Variants in SOX6 observed in about 807,000 individuals in gnomAD.
The protein encoded by SOX6 is transcription factor SOX-6.
Under a neutral mutation model 97.8 loss-of-function variants are expected in SOX6, and 11 were observed. The ratio of observed to expected loss-of-function variants is 0.11; its 90% CI spans 0.07 to 0.19. SOX6 has a LOEUF of 0.19. Among genes scored for constraint, SOX6 ranks in the 10% least tolerant of loss-of-function variants. The pLI, the probability that SOX6 is intolerant of heterozygous loss-of-function variation, is 1.00. For synonymous variants in SOX6, 360 were observed against 371.4 expected (o/e 0.97, Z 0.35); for missense variants, 810 against 1,039.5 (o/e 0.78, Z 3.04).
chr11:16,396,378 T>A lies in SOX6; in HGVS notation c.-4-55126A>T, dbSNP rs191542454. Among the ~76,000 whole-genome samples the A allele has an allele frequency of 2.8e-4, 42 of 151,802 alleles. 2 individuals carry two copies. The East Asian group carries it at 7.9e-3, about 29-fold the overall frequency. ...AGTGCTCTGGCATTTTGAATGCATG[T>A]ATACTGTGTATTTTCACAAATACAC... is the stretch of plus-strand genomic sequence containing the variant. On this transcript the variant is annotated intron_variant, in intron 1 of 15. Coordinates refer to the SOX6 transcript ENST00000396356.
chr11:16,014,840 G>C (rs1854833582), intron 13 of SOX6, 102 bp downstream of exon 13: 1 of 1,062,718 alleles, frequency 9.4e-7, no homozygotes, highest in Admixed American at 1.9e-5. Flanking sequence ...AAGAAATCTA[G>C]TGATGACTCC....
chr11:16,389,092 T>A (rs1182103356), intron 1 of SOX6, among the ~76,000 whole-genome samples: 1 of 152,186 alleles, frequency 6.6e-6, no homozygotes, highest in African/African-American at 2.4e-5. Context: ...TTTTTGTTTT[T>A]GTTTTTAAGA....
intron 4 of SOX6, among the ~76,000 whole-genome samples, chr11:16,581,059 C>T (rs2133966944): frequency 6.6e-6 from 1 of 151,998 alleles, no homozygotes; most frequent in African/African-American, 2.4e-5. Flanking sequence ...GAATCTAGAA[C>T]CAGAAATACC....
intron 2 of SOX6, among the ~76,000 whole-genome samples, chr11:16,326,772 A>G (rs1389782053): frequency 6.6e-6 from 1 of 152,180 alleles, no homozygotes; most frequent in African/African-American, 2.4e-5. Context: ...TGCTATCTGT[A>G]GGTCAGGAAT....
intron 1 of SOX6, among the ~76,000 whole-genome samples, chr11:16,421,129 T>C (rs1232193665): frequency 6.6e-6 from 1 of 152,172 alleles, no homozygotes; most frequent in African/African-American, 2.4e-5. Flanking sequence ...AGGGACAGTA[T>C]CCTTATTCTC....
Position 16,605,492 on chromosome 11 carries a change from C to G in SOX6, n.609+6589G>C, listed in dbSNP as rs1004317325. 6.6e-6 allele frequency among the ~76,000 whole-genome samples: 1 copy of G among 151,928 alleles called. No homozygotes were observed. Among genetic ancestry groups the G allele is most frequent in the Non-Finnish European group, 1.5e-5 (1 of 67,990 alleles). On this transcript the variant is annotated intron_variant and non_coding_transcript_variant, in intron 4 of 5. Transcript: ENST00000524520. This position sits in a 1 kb window ranked among gnomAD's most constrained non-coding sequence, Gnocchi z 5.3. ...AAACGGGGGGAGGGGGAAGGAAGGG[C>G]GACAAGCGGAGGGAGCTGGAGGCAA...
intron 3 of SOX6, among the ~76,000 whole-genome samples, chr11:16,238,405 G>C (rs556151343): frequency 6.6e-6 from 1 of 151,854 alleles, no homozygotes; most frequent in African/African-American, 2.4e-5. Context: ...CTTAGGTTTC[G>C]GGCCAGGTAA....
intron 1 of SOX6, among the ~76,000 whole-genome samples, chr11:16,363,423 A>G (rs1371060456): frequency 6.6e-6 from 1 of 152,168 alleles, no homozygotes; most frequent in Non-Finnish European, 1.5e-5. Flanking sequence ...TGTTCAATCC[A>G]ATATCTGCAA....
chr11:16,190,666 G>A (rs1181945776), intron 4 of SOX6, among the ~76,000 whole-genome samples: 1 of 152,144 alleles, frequency 6.6e-6, no homozygotes, highest in East Asian at 1.9e-4. Context: ...AGTGTAACAA[G>A]TCTGAAATTC....
At chr11:16,612,451 G>A (rs977135282) in intron 3 of SOX6, among the ~76,000 whole-genome samples, 2 of 152,092 alleles carry the variant, frequency 1.3e-5, no homozygotes, top group African/African-American at 4.8e-5. Context: ...CGCTGAGTCT[G>A]TGGATAAACT....
At chr11:16,078,415 G>A (rs537180772) in intron 9 of SOX6, among the ~76,000 whole-genome samples, 2 of 152,270 alleles carry the variant, frequency 1.3e-5, no homozygotes, top group Non-Finnish European at 2.9e-5. Context: ...AGTTCTCAAT[G>A]TGTACATATA....
At chr11:16,318,808 T>A (rs966155979) in intron 2 of SOX6, among the ~76,000 whole-genome samples, 155 bp from the exon 3 acceptor site, 1 of 151,940 alleles carries the variant, frequency 6.6e-6, no homozygotes, top group Non-Finnish European at 1.5e-5. Flanking sequence ...GTAGGACAAA[T>A]AAAAAATACA....
intron 13 of SOX6, among the ~76,000 whole-genome samples, chr11:16,004,112 A>G (rs1854483696): frequency 6.6e-6 from 1 of 151,948 alleles, no homozygotes; most frequent in African/African-American, 2.4e-5. Context: ...TTCCTTAAAT[A>G]GCAGATTCAT....
intron 1 of SOX6, among the ~76,000 whole-genome samples, chr11:16,349,677 GAA>G (rs1185066443): frequency 0.021 from 1,354 of 64,648 alleles, 56 homozygotes; most frequent in African/African-American, 0.068. Flanking sequence ...AGGGAGGGAG[GAA>G]GGAAGGAAGG....
intron 3 of SOX6, among the ~76,000 whole-genome samples, chr11:16,636,461 C>T (rs1195868659): frequency 1.3e-5 from 2 of 152,190 alleles, no homozygotes; most frequent in Non-Finnish European, 2.9e-5. Context: ...TTTGATTTTA[C>T]AGGCTCATAG....
intron 1 of SOX6, among the ~76,000 whole-genome samples, chr11:16,411,901 A>G (rs1295556990): frequency 1.3e-5 from 2 of 152,198 alleles, no homozygotes; most frequent in Non-Finnish European, 2.9e-5. Context: ...CATTAATGAA[A>G]AGGATTAACA....
At chr11:16,336,361 C>T (rs768180274) in intron 2 of SOX6, among the ~76,000 whole-genome samples, 8 of 152,152 alleles carry the variant, frequency 5.3e-5, no homozygotes, top group Non-Finnish European at 8.8e-5. Flanking sequence ...GTCTCACCAA[C>T]GTCATTTCTT....
chr11:16,205,949 A>T (rs912045311), intron 4 of SOX6, among the ~76,000 whole-genome samples: 3 of 152,102 alleles, frequency 2.0e-5, no homozygotes, highest in Non-Finnish European at 2.9e-5. Context: ...TGCTAGAAAT[A>T]GTCCTTTAGT....
Position 16,184,049 on chromosome 11 carries a change from C to T in SOX6, c.709-95G>A, listed in dbSNP as rs1455111. 551,162 of 1,052,886 alleles carry T rather than the reference C, an allele frequency of 0.52. 150,359 individuals carry two copies. Among genetic ancestry groups the T allele is most frequent in the East Asian group, 0.78 (30,636 of 39,334 alleles). 65.2% of individuals were successfully genotyped at this position (1,052,886 alleles called of 1,614,324 possible). On this transcript the variant is annotated intron_variant, in intron 5 of 15. Coordinates refer to ENST00000683767, the MANE Select transcript of SOX6 (RefSeq NM_001367873.1). ...TCCTGGTATTACAACAATCTTTTAC[C>T]GCACCTCTATGTGAAAGAGTTCCTA...
Sources: allele counts gnomAD v4.1 joint callset (sites outside exome capture counted in the v4.1 genomes callset), GRCh38; gene constraint gnomAD v4.1.1; non-coding constraint Gnocchi (gnomAD v3.1); transcripts MANE v1.5; gene names NCBI Gene and HGNC (gene_info 2026-07-23, HGNC 2026-07-21).